The following ACADSB variants were observed in gnomAD, a reference collection of about 807,000 sequenced individuals.
The protein encoded by ACADSB is short/branched chain specific acyl-CoA dehydrogenase, mitochondrial.
Under a neutral mutation model 54.1 loss-of-function variants are expected in ACADSB, and 40 were observed. The observed-to-expected ratio is 0.74, with a 90% CI of 0.57 to 0.96. The LOEUF is 0.96. ACADSB is among the 40% of genes least tolerant of loss of function. The pLI is 0.00. For synonymous variants in ACADSB, 182 were observed against 182.8 expected, an observed-to-expected ratio of 1.00 and a Z score of 0.03; for missense variants, 530 against 510.4, an observed-to-expected ratio of 1.04 and a Z score of -0.37.
At chr10:123,053,368 C>A (rs1372083860) in intron 10 of ACADSB, among the ~76,000 whole-genome samples, 1 of 152,002 alleles carries the variant, frequency 6.6e-6, no homozygotes, top group African/African-American at 2.4e-5. Context: ...TATCAAATTG[C>A]CTTTTTAAAT....
At chr10:123,047,092 T>A in intron 7 of ACADSB, 117 bp from the exon 8 acceptor site, 1 of 821,362 alleles carries the variant, frequency 1.2e-6, no homozygotes, top group East Asian at 2.7e-5. Flanking sequence ...CACCTCAGCA[T>A]CTCCAGTTCT....
intron 1 of ACADSB, among the ~76,000 whole-genome samples, chr10:123,016,701 G>C (rs1229627554): frequency 2.0e-5 from 3 of 152,220 alleles, no homozygotes; most frequent in African/African-American, 7.2e-5. Context: ...GTACAGTTCA[G>C]ACCATCCTGG....
intron 1 of ACADSB, among the ~76,000 whole-genome samples, chr10:123,026,998 T>G (rs1055121266): frequency 6.6e-6 from 1 of 152,160 alleles, no homozygotes; most frequent in African/African-American, 2.4e-5. Flanking sequence ...TAAAGCCAAC[T>G]GGAGAAGGGA....
intron 2 of ACADSB, among the ~76,000 whole-genome samples, chr10:123,037,158 A>G (rs1163045604): frequency 6.6e-6 from 1 of 152,230 alleles, no homozygotes; most frequent in East Asian, 1.9e-4. Context: ...CTGCTGCTCA[A>G]CATCCTGCAA....
At chr10:123,047,822 A>C (rs531890252) in intron 8 of ACADSB, among the ~76,000 whole-genome samples, 1 of 152,370 alleles carries the variant, frequency 6.6e-6, no homozygotes, top group Non-Finnish European at 1.5e-5. Context: ...ACCATGTGGT[A>C]ATCCTCAGAG....
chr10:123,032,326 T>C (rs1850337828), intron 1 of ACADSB, among the ~76,000 whole-genome samples: 1 of 152,106 alleles, frequency 6.6e-6, no homozygotes, highest in Non-Finnish European at 1.5e-5. Flanking sequence ...GGTGATATAT[T>C]AACTAACAGA....
At chr10:123,043,742 A>G (rs1850510195) in intron 6 of ACADSB, among the ~76,000 whole-genome samples, 2 of 152,112 alleles carry the variant, frequency 1.3e-5, no homozygotes, top group Non-Finnish European at 2.9e-5. Flanking sequence ...GGGCCTCATT[A>G]CTTCACCCCA....
At chr10:123,049,497 A>C (rs574033388) in intron 8 of ACADSB, among the ~76,000 whole-genome samples, 1 of 152,332 alleles carries the variant, frequency 6.6e-6, no homozygotes, top group South Asian at 2.1e-4. Context: ...GGTGACTGTA[A>C]GTTTAATTGA....
intron 1 of ACADSB, 92 bp downstream of exon 1, chr10:123,009,163 C>T: frequency 7.2e-7 from 1 of 1,391,586 alleles, no homozygotes; most frequent in Non-Finnish European, 9.8e-7. Flanking sequence ...GGCCTCGGGG[C>T]GCCGGCCTGA....
Position 123,043,056 on chromosome 10 carries a change from G to GT in ACADSB, c.692_693insT (p.Ile232AsnfsTer9), listed in dbSNP as rs1483904395. On this transcript the variant is annotated frameshift_variant, in exon 6 of 11. Transcript: ENST00000358776. LOFTEE classifies it high-confidence loss of function. ...AATTCTTCTTTTTAGGGATATAAGGGAATTACCTCCTTCTTAGTAGATCGT... is the reference window on the plus strand; with the variant it reads ...AATTCTTCTTTTTAGGGATATAAGGGTAATTACCTCCTTCTTAGTAGATCGT... The GT allele has an allele frequency of 5.6e-6, 9 of 1,613,606 alleles. No individual in the cohort carries two copies. The highest frequency in any genetic ancestry group is 7.6e-6 in the Non-Finnish European group (9 of 1,179,734).
At chr10:123,044,250 A>G in intron 6 of ACADSB, 143 bp from the exon 7 acceptor site, 1 of 702,274 alleles carries the variant, frequency 1.4e-6, no homozygotes. Flanking sequence ...GTGGAAAAAC[A>G]GCGTAGAGGG....
chr10:123,032,978 T>C (rs1012420607), intron 1 of ACADSB, among the ~76,000 whole-genome samples: 2 of 152,162 alleles, frequency 1.3e-5, no homozygotes, highest in African/African-American at 4.8e-5. Flanking sequence ...AGCAGCGTTC[T>C]TCCCCTTCTT....
Position 123,053,918 on chromosome 10 carries a change from T to TTTTGGTTTTCTC in ACADSB, c.*157_*168dup, listed in dbSNP as rs1850669206. The TTTTGGTTTTCTC allele has an allele frequency of 1.3e-6, 1 of 741,694 alleles. No homozygotes were observed. The highest frequency in any genetic ancestry group is 1.6e-5 in the South Asian group (1 of 62,952). The allele number at this position is 741,694 out of a possible 1,614,324, so 45.9% of individuals were successfully genotyped here. On this transcript the variant is annotated 3_prime_UTR_variant, in exon 11 of 11. Transcript: ENST00000358776. ...TTAGTCAGGGTCCTGGTGTTGGCCT[T>TTTTGGTTTTCTC]TTTGGTTTTCTCTTTTCAGGCTGTT...
intron 2 of ACADSB, 48 bp downstream of exon 2, chr10:123,034,563 T>G: frequency 4.0e-5 from 62 of 1,564,822 alleles, no homozygotes; most frequent in Non-Finnish European, 4.7e-5. Flanking sequence ...ACAGGATCTC[T>G]GGAGCATAGT....
chr10:123,034,349 C>T lies in ACADSB; in HGVS notation c.43-7C>T. The stretch of plus-strand genomic sequence containing the variant: ...ACCTTTCTTTCATGTGTGTATGTTC[C>T]CTACAGCTAAGAAGAAATTTCCTGA... On this transcript the variant is annotated splice_region_variant and splice_polypyrimidine_tract_variant and intron_variant, in intron 1 of 10. Transcript: ENST00000358776. The T allele has an allele frequency of 1.2e-6, 2 of 1,613,258 alleles. No individual in the cohort carries two copies. Among genetic ancestry groups the T allele is most frequent in the Middle Eastern group, 1.7e-4 (1 of 6,058 alleles).
chr10:123,048,779 A>G (rs923539640), intron 8 of ACADSB, among the ~76,000 whole-genome samples: 2 of 151,880 alleles, frequency 1.3e-5, no homozygotes, highest in African/African-American at 4.8e-5. Flanking sequence ...CCCAGGCTGG[A>G]GTGCAGGGGC....
At chr10:123,049,716 G>A (rs1377191640) in intron 8 of ACADSB, among the ~76,000 whole-genome samples, 1 of 152,144 alleles carries the variant, frequency 6.6e-6, no homozygotes, top group Non-Finnish European at 1.5e-5. Flanking sequence ...TTCTACGTGA[G>A]AAAATAATGA....
chr10:123,023,653 G>A (rs1850211898), intron 1 of ACADSB, among the ~76,000 whole-genome samples: 1 of 152,094 alleles, frequency 6.6e-6, no homozygotes, highest in Admixed American at 6.6e-5. Context: ...GTTTTTAAAG[G>A]CCAAACCTCC....
chr10:123,044,741 A>AC (rs1425331626), intron 7 of ACADSB, among the ~76,000 whole-genome samples: 1 of 152,192 alleles, frequency 6.6e-6, no homozygotes, highest in African/African-American at 2.4e-5. Context: ...TAATACCTGA[A>AC]CCGATAGCTT....
Sources: allele counts gnomAD v4.1 joint callset (sites outside exome capture counted in the v4.1 genomes callset), GRCh38; gene constraint gnomAD v4.1.1; transcripts MANE v1.5; gene names NCBI Gene and HGNC (gene_info 2026-07-23, HGNC 2026-07-21).